Variants in CDK5RAP2 observed in about 807,000 individuals in gnomAD.
CDK5RAP2 encodes the protein CDK5 regulatory subunit-associated protein 2.
Under a neutral mutation model 232.9 loss-of-function variants are expected in CDK5RAP2, and 147 were observed. That is an observed-to-expected ratio of 0.63 (90% confidence interval 0.55 to 0.72). The LOEUF is 0.72. Ranked by LOEUF, CDK5RAP2 falls within the 30% of genes least tolerant of loss-of-function variation. The pLI, the probability that CDK5RAP2 is intolerant of heterozygous loss-of-function variation, is 0.00. For synonymous variants in CDK5RAP2, 833 were observed against 833.7 expected (o/e 1.00, Z 0.01); for missense variants, 2,195 against 2,231.5 (o/e 0.98, Z 0.33).
intron 24 of CDK5RAP2, among the ~76,000 whole-genome samples, chr9:120,439,112 T>A (rs1490910023): frequency 6.6e-6 from 1 of 152,154 alleles, no homozygotes; most frequent in Non-Finnish European, 1.5e-5. Flanking sequence ...ATGAAACCTT[T>A]ACCCTGAGCC....
chr9:120,494,376 C>G (rs571310882), intron 12 of CDK5RAP2, among the ~76,000 whole-genome samples: 36 of 152,146 alleles, frequency 2.4e-4, no homozygotes, highest in African/African-American at 8.7e-4. Context: ...GATTCCAGAC[C>G]TGGAGCAGGG....
intron 25 of CDK5RAP2, among the ~76,000 whole-genome samples, chr9:120,432,619 T>C (rs1253623306): frequency 1.3e-5 from 2 of 152,228 alleles, no homozygotes; most frequent in Non-Finnish European, 2.9e-5. Flanking sequence ...TCTGGGACTT[T>C]TATGCTTTTT....
intron 3 of CDK5RAP2, among the ~76,000 whole-genome samples, chr9:120,552,163 C>G (rs1046012241): frequency 1.4e-4 from 22 of 151,770 alleles, no homozygotes; most frequent in Non-Finnish European, 2.4e-4. Context: ...ACACCAGTTA[C>G]AATGGCAATC....
At chr9:120,470,499 G>A (rs577536282) in intron 16 of CDK5RAP2, among the ~76,000 whole-genome samples, 5 of 152,342 alleles carry the variant, frequency 3.3e-5, no homozygotes, top group East Asian at 1.9e-4. Context: ...TGCATATCAA[G>A]TATTGTGCCT....
chr9:120,555,096 G>T (rs1375187904), intron 3 of CDK5RAP2, among the ~76,000 whole-genome samples: 1 of 138,668 alleles, frequency 7.2e-6, no homozygotes, highest in Non-Finnish European at 1.5e-5. Flanking sequence ...TACAAAAAAT[G>T]AGATACCGTA....
At chr9:120,516,371 TG>T (rs1422173067) in intron 12 of CDK5RAP2, among the ~76,000 whole-genome samples, 1 of 37,550 alleles carries the variant, frequency 2.7e-5, no homozygotes, top group African/African-American at 1.1e-4. Flanking sequence ...TGTTGTGGGG[TG>T]GGGGGAGGGG....
chr9:120,394,527 CT>C lies in CDK5RAP2; in HGVS notation c.5562del (p.Val1855SerfsTer8). ...ACTCACTCACATTGATCAAAGATGA[CT>C]TTTTCCTGGCGCTTGCTCAGCTGCA... ...KLLQLSKRQEKVIFDQLVVTH... is the reference protein window; with the variant it reads ...KLLQLSKRQEXVIFDQLVVTH... On this transcript the variant is annotated frameshift_variant, in exon 36 of 38. Transcript: ENST00000349780. LOFTEE classifies it high-confidence loss of function. 6.2e-7 allele frequency: 1 copy of C among 1,614,178 alleles called. No homozygotes were observed. Among genetic ancestry groups the C allele is most frequent in the Middle Eastern group, 1.6e-4 (1 of 6,062 alleles).
At position 120,409,234 on chromosome 9, in the gene CDK5RAP2, G is replaced by T. The variant is rs886063393; in HGVS notation, c.4497C>A (p.Ala1499=). 6.8e-6 allele frequency: 11 copies of T among 1,613,968 alleles called. No homozygotes were observed. Among genetic ancestry groups the T allele is most frequent in the African/African-American group, 1.3e-5 (1 of 74,922 alleles). Residue 1499 remains alanine (A), a synonymous_variant, in exon 30 of 38, where the codon GCC becomes GCA. Coordinates refer to ENST00000349780, the MANE Select transcript of CDK5RAP2 (RefSeq NM_018249.6). ...VSLEHLQREY[A]SVKEENERLQ... ...GCCTTTCATTTTCTTCCTTCACGCT[G>T]GCATACTCCCGCTGAAGGTGCTCCA...
intron 15 of CDK5RAP2, among the ~76,000 whole-genome samples, chr9:120,473,771 A>G (rs554276996): frequency 6.6e-6 from 1 of 152,196 alleles, no homozygotes; most frequent in Non-Finnish European, 1.5e-5. Context: ...AACCAGGGAG[A>G]AAAAAAGAGA....
In CDK5RAP2 at chr9:120,487,336, G is replaced by A. The variant is rs771582533; in HGVS notation, c.1584C>T (p.Cys528=). ...LRSEGLITEK[C]SSQQPPGSKT... Reference sequence around the variant, plus strand: ...TGCTGCCTGGTGGCTGTTGAGAAGAGCACTTTTCTGTTATTAAGCCTTCAC... The same window carrying A: ...TGCTGCCTGGTGGCTGTTGAGAAGAACACTTTTCTGTTATTAAGCCTTCAC... The change falls in exon 14 of 38, where the codon TGC becomes TGT. Residue 528 remains cysteine (C), a synonymous_variant. Coordinates refer to ENST00000349780, the MANE Select transcript of CDK5RAP2 (RefSeq NM_018249.6). 1.2e-6 allele frequency: 2 copies of A among 1,614,016 alleles called. No individual in the cohort carries two copies. Among genetic ancestry groups the A allele is most frequent in the Non-Finnish European group, 1.7e-6 (2 of 1,180,000 alleles).
In CDK5RAP2 at chr9:120,530,075, T is replaced by A; in HGVS notation, c.728A>T (p.Glu243Val). The A allele has an allele frequency of 6.2e-7, 1 of 1,613,988 alleles. No homozygotes were observed. The highest frequency in any genetic ancestry group is 1.3e-5 in the African/African-American group (1 of 75,048). The change falls in exon 8 of 38, where the codon GAG becomes GTG. Residue 243 changes from glutamate (E) to valine (V), a missense_variant. Transcript: ENST00000349780. Reference protein sequence around the residue: ...KEALIQCLKEEKSQMACPDEN... With the variant: ...KEALIQCLKEVKSQMACPDEN... The stretch of plus-strand genomic sequence containing the variant: ...ATCAGGACATGCCATCTGAGATTTC[T>A]CCTCTTTAAGGCACTGAATTAAAGC...
At chr9:120,487,130 A>G (rs1039486544) in intron 14 of CDK5RAP2, among the ~76,000 whole-genome samples, 164 bp downstream of exon 14, 1 of 152,238 alleles carries the variant, frequency 6.6e-6, no homozygotes, top group Non-Finnish European at 1.5e-5. Flanking sequence ...AAGGATATTA[A>G]TCTGTAACGT....
chr9:120,412,989 T>G (rs2033944943), intron 28 of CDK5RAP2, among the ~76,000 whole-genome samples: 1 of 152,226 alleles, frequency 6.6e-6, no homozygotes, highest in Non-Finnish European at 1.5e-5. Flanking sequence ...CTGCATGACC[T>G]CAGGCAAATC....
At chr9:120,441,275 CAT>C (rs1242825294) in intron 23 of CDK5RAP2, among the ~76,000 whole-genome samples, 2 of 152,188 alleles carry the variant, frequency 1.3e-5, no homozygotes, top group Non-Finnish European at 2.9e-5. Flanking sequence ...ATTCAACAGA[CAT>C]GGTTTCAAAC....
At chr9:120,485,293 C>CTTTTTTTTTTTT (rs111411839) in intron 14 of CDK5RAP2, among the ~76,000 whole-genome samples, 1 of 132,350 alleles carries the variant, frequency 7.6e-6, no homozygotes, top group African/African-American at 2.8e-5. Flanking sequence ...CATTTAGATA[C>CTTTTTTTTTTTT]TTTTTTTTTT....
At position 120,409,187 on chromosome 9, in the gene CDK5RAP2, T is replaced by A; in HGVS notation, c.4544A>T (p.Lys1515Met). 6.2e-7 allele frequency: 1 copy of A among 1,613,800 alleles called. No individual in the cohort carries two copies. The highest frequency in any genetic ancestry group is 1.3e-5 in the African/African-American group (1 of 75,072). ...GATCAGCTGCTGGTTGTGTCTCTCC[T>A]TCTCGCTGCCTTCTTTCTGCAGCCT... ...NERLQKEGSE[K>M]ERHNQQLIQE... Residue 1515 changes from lysine to methionine, a missense_variant, in exon 30 of 38, where the codon AAG (lysine) becomes ATG (methionine). Physicochemically the swap from Lys to Met is moderately conservative, Grantham distance 95. Coordinates refer to ENST00000349780, the MANE Select transcript of CDK5RAP2 (RefSeq NM_018249.6).
intron 12 of CDK5RAP2, among the ~76,000 whole-genome samples, chr9:120,499,386 G>A (rs2039470102): frequency 6.6e-6 from 1 of 151,962 alleles, no homozygotes; most frequent in Non-Finnish European, 1.5e-5. Flanking sequence ...TAATGAGCAG[G>A]GGTTTTTTTT....
At chr9:120,527,059 C>A (rs975610356) in intron 10 of CDK5RAP2, among the ~76,000 whole-genome samples, 1 of 152,186 alleles carries the variant, frequency 6.6e-6, no homozygotes, top group African/African-American at 2.4e-5. Context: ...CAACCCTCAA[C>A]ACTCTTTCTT....
At chr9:120,415,975 TA>T (rs2034190328) in intron 27 of CDK5RAP2, among the ~76,000 whole-genome samples, 1 of 151,980 alleles carries the variant, frequency 6.6e-6, no homozygotes, top group Non-Finnish European at 1.5e-5. Context: ...CTATATATCA[TA>T]AAAAATATAC....
Sources: gnomAD v4.1 joint callset for allele counts (sites outside exome capture counted in the v4.1 genomes callset) on GRCh38, gnomAD v4.1.1 for gene constraint, MANE v1.5 for transcripts, NCBI Gene and HGNC (gene_info 2026-07-23, HGNC 2026-07-21) for gene names.